The following RANGAP1 variants were observed in gnomAD, a reference collection of about 807,000 sequenced individuals.
RANGAP1 encodes Ran GTPase activating protein 1, also known as ran GTPase-activating protein 1.
Under a neutral mutation model 63.5 loss-of-function variants are expected in RANGAP1, and 38 were observed. The ratio of observed to expected loss-of-function variants is 0.60; its 90% CI spans 0.46 to 0.78. RANGAP1 has a LOEUF of 0.78. RANGAP1 is among the 30% of genes least tolerant of loss of function. The probability of loss-of-function intolerance (pLI) is 0.00; values close to 1 mark genes in which losing one functional copy is unlikely to be tolerated. For missense variants in RANGAP1, 630 were observed against 740.3 expected (o/e 0.85, Z 1.73); for synonymous variants, 329 against 310.5 (o/e 1.06, Z -0.63).
intron 6 of RANGAP1, among the ~76,000 whole-genome samples, chr22:41,258,418 A>G (rs902301227): frequency 2.0e-5 from 3 of 152,238 alleles, no homozygotes; most frequent in African/African-American, 7.2e-5. Flanking sequence ...TCCTCAGCAC[A>G]GTGGGGACCC....
the RANGAP1 span, among the ~76,000 whole-genome samples, chr22:41,298,617 G>A: frequency 2.0e-5 from 3 of 151,070 alleles, no homozygotes; most frequent in Non-Finnish European, 3.0e-5. Context: ...GCCCGGCCTC[G>A]GCCTCCCAAA....
chr22:41,257,080 C>CCA lies in RANGAP1; in HGVS notation c.775-258_775-257dup, dbSNP rs2033888528. 6.6e-6 allele frequency among the ~76,000 whole-genome samples: 1 copy of CCA among 152,108 alleles called. No homozygotes were observed. The highest frequency in any genetic ancestry group is 6.6e-5 in the Admixed American group (1 of 15,260). ...GGTTCCTGCTGAGCATCCGGGTCTT[C>CCA]CACACGTAAGCTGATCCCTCTGCCT... On this transcript the variant is annotated intron_variant, in intron 7 of 15. Coordinates refer to ENST00000356244, the MANE Select transcript of RANGAP1 (RefSeq NM_002883.4). This position sits in a 1 kb window ranked among gnomAD's most constrained non-coding sequence, Gnocchi z 4.0.
chr22:41,291,317 G>T, the RANGAP1 span, among the ~76,000 whole-genome samples: 3 of 152,150 alleles, frequency 2.0e-5, no homozygotes, highest in Admixed American at 2.0e-4. Flanking sequence ...TCCTTCATCG[G>T]CTGGGTGCGG....
upstream of RANGAP1, among the ~76,000 whole-genome samples, chr22:41,288,009 A>G (rs1260478539): frequency 6.6e-6 from 1 of 152,134 alleles, no homozygotes. Context: ...AAATTAATTA[A>G]TTAATTAACA....
Position 41,257,865 on chromosome 22 carries a change from A to C in RANGAP1, c.774+83T>G. ...GGCAGGGGGTAGAGGAGTCCCTGCT[A>C]AACGGAGCCCCAGCTTCCCTGGAAA... On this transcript the variant is annotated intron_variant, in intron 7 of 15. Coordinates refer to ENST00000356244, the MANE Select transcript of RANGAP1 (RefSeq NM_002883.4). This position sits in a 1 kb window ranked among gnomAD's most constrained non-coding sequence, Gnocchi z 4.0. 5 of 1,473,760 alleles carry C rather than the reference A, an allele frequency of 3.4e-6. No homozygotes were observed. The highest frequency in any genetic ancestry group is 1.3e-5 in the South Asian group (1 of 76,852). The allele number at this position is 1,473,760 out of a possible 1,614,324, so 91.3% of individuals were successfully genotyped here. A position where few individuals can be genotyped will look rare whatever the true frequency, so the allele number is the denominator to read the frequency against.
chr22:41,273,766 C>CAAAAAAAAAAAAAA lies in RANGAP1; in HGVS notation c.240+820_240+833dup, dbSNP rs71200678. Reference sequence around the variant, plus strand: ...CGGGTGACAGTGTGAGACTCCATCTCAAAAAAAAAAAAAAAAAAAAAAAAA... The same window carrying CAAAAAAAAAAAAAA: ...CGGGTGACAGTGTGAGACTCCATCTCAAAAAAAAAAAAAAAAAAAAAAAAAAAAAAAAAAAAAAA... On this transcript the variant is annotated intron_variant, in intron 3 of 15. Coordinates refer to ENST00000356244, the MANE Select transcript of RANGAP1 (RefSeq NM_002883.4). 4.1e-3 allele frequency among the ~76,000 whole-genome samples: 100 copies of CAAAAAAAAAAAAAA among 24,356 alleles called. 28 individuals carry two copies. Among genetic ancestry groups the CAAAAAAAAAAAAAA allele is most frequent in the Non-Finnish European group, 5.6e-3 (80 of 14,164 alleles). 16.0% of individuals were successfully genotyped at this position (24,356 alleles called of 152,430 possible). A position where few individuals can be genotyped will look rare whatever the true frequency, so the allele number is the denominator to read the frequency against.
intron 3 of RANGAP1, among the ~76,000 whole-genome samples, chr22:41,273,955 G>A (rs1474461781): frequency 6.6e-6 from 1 of 151,986 alleles, no homozygotes; most frequent in African/African-American, 2.4e-5. Flanking sequence ...GTGGGAGCCT[G>A]TAATCCCAGC....
chr22:41,251,627 GA>G (rs5845493), intron 12 of RANGAP1, among the ~76,000 whole-genome samples: 1,674 of 112,536 alleles, frequency 0.015, 8 homozygotes, highest in South Asian at 0.041. Context: ...CATTGTCTCA[GA>G]AAAAAAAAAA....
intron 12 of RANGAP1, among the ~76,000 whole-genome samples, chr22:41,251,469 G>C (rs1297452807): frequency 6.6e-6 from 1 of 151,830 alleles, no homozygotes; most frequent in African/African-American, 2.4e-5. Context: ...CAACAAAAAG[G>C]AAAAAAATTA....
chr22:41,263,950 C>A (rs2034316201), intron 5 of RANGAP1, among the ~76,000 whole-genome samples: 1 of 152,258 alleles, frequency 6.6e-6, no homozygotes, highest in African/African-American at 2.4e-5. Flanking sequence ...GCATCAGCCA[C>A]CTTTCAGTGT....
rs139523 is a variant in RANGAP1 at position 41,266,888 on chromosome 22, C to CTTTTT, written c.300+1204_300+1208dup. Among the ~76,000 whole-genome samples, 7 of 137,128 alleles carry CTTTTT rather than the reference C, an allele frequency of 5.1e-5. 1 individual carries two copies. Among genetic ancestry groups the CTTTTT allele is most frequent in the East Asian group, 2.1e-4 (1 of 4,754 alleles). 90.0% of individuals were successfully genotyped at this position (137,128 alleles called of 152,430 possible). A position where few individuals can be genotyped will look rare whatever the true frequency, so the allele number is the denominator to read the frequency against. On this transcript the variant is annotated intron_variant, in intron 4 of 15. Transcript: ENST00000356244. The stretch of plus-strand genomic sequence containing the variant: ...ACATGCAATCACTGAAATGAATTTC[C>CTTTTT]TTTTTTTTTTGAGACGGAGTCTTGC...
At chr22:41,263,738 T>C (rs927774295) in intron 5 of RANGAP1, among the ~76,000 whole-genome samples, 4 of 152,220 alleles carry the variant, frequency 2.6e-5, no homozygotes, top group Non-Finnish European at 4.4e-5. Context: ...CCAAGTGGAC[T>C]TGGGGGAGGG....
rs2033312524 is a variant in RANGAP1 at position 41,249,793 on chromosome 22, T to C, written c.1508A>G (p.Asn503Ser). 2.5e-6 allele frequency: 4 copies of C among 1,613,652 alleles called. No homozygotes were observed. Among genetic ancestry groups the C allele is most frequent in the Non-Finnish European group, 3.4e-6 (4 of 1,179,808 alleles). The change falls in exon 14 of 16, where the codon AAC (asparagine) becomes AGC (serine). Residue 503 changes from asparagine (N) to serine (S), a missense_variant. Coordinates refer to ENST00000356244, the MANE Select transcript of RANGAP1 (RefSeq NM_002883.4). ...AVDALMQKAFNSSSFNSNTFL... is the reference protein window; with the variant it reads ...AVDALMQKAFSSSSFNSNTFL... ...GGTGTTGGAGTTGAAGGACGAGGAG[T>C]TGAAAGCCTTCTGCATCAGGGCATC...
intron 15 of RANGAP1, among the ~76,000 whole-genome samples, chr22:41,247,377 G>A (rs895059056): frequency 4.6e-5 from 7 of 151,102 alleles, no homozygotes; most frequent in African/African-American, 9.7e-5. Context: ...CTTGAGACAG[G>A]GCCTCTCTTT....
At chr22:41,268,070 G>C (rs553016907) in intron 4 of RANGAP1, 27 bp downstream of exon 4, 5 of 1,512,816 alleles carry the variant, frequency 3.3e-6, no homozygotes, top group Non-Finnish European at 4.5e-6. Flanking sequence ...CTTGCGCGTG[G>C]AGGGGAAGAG....
At chr22:41,258,919 T>G (rs2034004819) in intron 6 of RANGAP1, among the ~76,000 whole-genome samples, 1 of 152,212 alleles carries the variant, frequency 6.6e-6, no homozygotes, top group South Asian at 2.1e-4. Context: ...CCTCTCAAAG[T>G]GCTGGGATTA....
intron 15 of RANGAP1, among the ~76,000 whole-genome samples, chr22:41,246,920 A>C (rs1389859468): frequency 6.6e-6 from 1 of 152,158 alleles, no homozygotes; most frequent in African/African-American, 2.4e-5. Flanking sequence ...CAGGCTCTCC[A>C]AGGGCCCTTC....
intron 1 of RANGAP1, 105 bp from the exon 2 acceptor site, chr22:41,281,187 G>A: frequency 8.1e-7 from 1 of 1,233,082 alleles, no homozygotes. Flanking sequence ...TACCTCCCCT[G>A]CTATGGAGAC....
At chr22:41,253,749 A>G (rs924073391) in intron 11 of RANGAP1, among the ~76,000 whole-genome samples, 1 of 152,234 alleles carries the variant, frequency 6.6e-6, no homozygotes, top group Non-Finnish European at 1.5e-5. Context: ...CATATCTTAT[A>G]ATATACATAA....
Sources: gnomAD v4.1 joint callset for allele counts (sites outside exome capture counted in the v4.1 genomes callset) on GRCh38, gnomAD v4.1.1 for gene constraint, Gnocchi (gnomAD v3.1) non-coding constraint, MANE v1.5 for transcripts, NCBI Gene and HGNC (gene_info 2026-07-23, HGNC 2026-07-21) for gene names.